Variants in CFTR observed in about 807,000 individuals in gnomAD.
CFTR encodes the protein CF transmembrane conductance regulator.
In CFTR, 181 loss-of-function variants were observed where a neutral mutation model predicts 171.6. The observed-to-expected ratio is 1.05, with a 90% CI of 0.93 to 1.19. The LOEUF (loss-of-function observed/expected upper bound fraction) is 1.19. CFTR is among the 50% of genes most tolerant of loss of function. CFTR has a pLI of 0.00. For synonymous variants in CFTR, 583 were observed against 608.0 expected (o/e 0.96, Z 0.60); for missense variants, 1,968 against 1,734.7 (o/e 1.13, Z -2.39).
intron 3 of CFTR, among the ~76,000 whole-genome samples, chr7:117,518,470 ATG>A (rs1442527223): frequency 2.0e-5 from 3 of 147,658 alleles, no homozygotes; most frequent in Non-Finnish European, 4.5e-5. Context: ...GTGTATATAT[ATG>A]TCTTTCATAG....
At chr7:117,500,876 T>C (rs962474957) in intron 1 of CFTR, among the ~76,000 whole-genome samples, 7 of 152,198 alleles carry the variant, frequency 4.6e-5, no homozygotes, top group Non-Finnish European at 8.8e-5. Flanking sequence ...TTCTTGCTAA[T>C]CAAAACGATG....
At chr7:117,595,476 T>C (rs1157098350) in intron 15 of CFTR, among the ~76,000 whole-genome samples, 2 of 150,606 alleles carry the variant, frequency 1.3e-5, no homozygotes, top group Non-Finnish European at 3.0e-5. Context: ...GTTGATATTT[T>C]ATTATTTCAT....
intron 24 of CFTR, among the ~76,000 whole-genome samples, chr7:117,660,555 G>A (rs1440463318): frequency 6.6e-6 from 1 of 151,958 alleles, no homozygotes; most frequent in Non-Finnish European, 1.5e-5. Context: ...GTTTGAACCT[G>A]GGAGTCGGAG....
rs3034794 is a variant in CFTR, at chr7:117,548,333, GGTGTGTGTGTGT to G, written c.1210-287_1210-276del. On this transcript the variant is annotated intron_variant, in intron 9 of 26. Coordinates refer to ENST00000003084, the MANE Select transcript of CFTR (RefSeq NM_000492.4). ...ATGTACCCCGCTTATAGGAGAAGAG[GGTGTGTGTGTGT>G]GTGTGTGTGTGTGTGTGTGTATGTG... 6.9e-6 allele frequency among the ~76,000 whole-genome samples: 1 copy of G among 144,078 alleles called. No homozygotes were observed. Among genetic ancestry groups the G allele is most frequent in the Non-Finnish European group, 1.5e-5 (1 of 65,512 alleles). 94.5% of individuals were successfully genotyped at this position (144,078 alleles called of 152,430 possible).
intron 19 of CFTR, 64 bp from the exon 20 acceptor site, chr7:117,611,517 A>G: frequency 1.0e-6 from 1 of 978,802 alleles, no homozygotes; most frequent in South Asian, 1.4e-5. Flanking sequence ...CAGGTACAAG[A>G]TATTATGAAA....
At chr7:117,626,915 C>T (rs550351857) in intron 21 of CFTR, among the ~76,000 whole-genome samples, 1 of 151,800 alleles carries the variant, frequency 6.6e-6, no homozygotes, top group South Asian at 2.1e-4. Flanking sequence ...AAATATAACC[C>T]TTATATGCAA....
At chr7:117,661,677 A>G (rs972148248) in intron 24 of CFTR, among the ~76,000 whole-genome samples, 8 of 152,186 alleles carry the variant, frequency 5.3e-5, no homozygotes, top group African/African-American at 1.9e-4. Context: ...TCAGTTCCTG[A>G]GCCCATGTCC....
intron 23 of CFTR, among the ~76,000 whole-genome samples, chr7:117,646,051 T>A (rs1316898724): frequency 6.6e-6 from 1 of 152,194 alleles, no homozygotes; most frequent in Admixed American, 6.5e-5. Context: ...GAGATTGTGG[T>A]TCCATCAGTA....
intron 14 of CFTR, among the ~76,000 whole-genome samples, chr7:117,593,759 C>A (rs529706234): frequency 6.6e-6 from 1 of 151,918 alleles, no homozygotes; most frequent in East Asian, 1.9e-4. Flanking sequence ...CCATGCCGAG[C>A]TAATTTTTGT....
chr7:117,517,238 TGATGTTCCC>T (rs1305806939), intron 3 of CFTR, among the ~76,000 whole-genome samples: 1 of 151,782 alleles, frequency 6.6e-6, no homozygotes, highest in Non-Finnish European at 1.5e-5. Context: ...CCCCTGTGTG[TGATGTTCCC>T]CTCCCTGTGT....
At position 117,542,007 on chromosome 7, in the gene CFTR, T is replaced by C. The variant is rs1266638090; in HGVS notation, c.1117-9T>C. 1 of 1,385,030 alleles carries C rather than the reference T, an allele frequency of 7.2e-7. No homozygotes were observed. Among genetic ancestry groups the C allele is most frequent in the Non-Finnish European group, 1.0e-6 (1 of 971,778 alleles). The allele number at this position is 1,385,030 out of a possible 1,614,324, so 85.8% of individuals were successfully genotyped here. A position where few individuals can be genotyped will look rare whatever the true frequency, so the allele number is the denominator to read the frequency against. Reference sequence around the variant, plus strand: ...TCTATAATATGTTTTTGCTCTCTTTTATAAATAGGATTTCTTACAAAAGCA... The same window carrying C: ...TCTATAATATGTTTTTGCTCTCTTTCATAAATAGGATTTCTTACAAAAGCA... On this transcript the variant is annotated splice_polypyrimidine_tract_variant and intron_variant, in intron 8 of 26. Transcript: ENST00000003084.
intron 22 of CFTR, among the ~76,000 whole-genome samples, chr7:117,632,036 A>T (rs1401696552): frequency 6.6e-6 from 1 of 152,142 alleles, no homozygotes; most frequent in Non-Finnish European, 1.5e-5. Context: ...TAGGGAAAAC[A>T]GTTTGTTTTC....
intron 1 of CFTR, among the ~76,000 whole-genome samples, chr7:117,496,060 A>G (rs1219284833): frequency 6.6e-6 from 1 of 152,136 alleles, no homozygotes; most frequent in Non-Finnish European, 1.5e-5. Context: ...CTAGACAACT[A>G]CAAATGTACT....
intron 11 of CFTR, among the ~76,000 whole-genome samples, chr7:117,583,271 A>G (rs1275551449): frequency 1.3e-5 from 2 of 152,006 alleles, no homozygotes; most frequent in Non-Finnish European, 2.9e-5. Flanking sequence ...TGATATACCC[A>G]TCACCTGAGC....
At chr7:117,490,312 T>TACACACAC (rs3034759) in intron 1 of CFTR, among the ~76,000 whole-genome samples, 2,701 of 136,826 alleles carry the variant, frequency 0.02, 47 homozygotes, top group East Asian at 0.04. Flanking sequence ...GAACCAATGA[T>TACACACAC]ACACACACAC....
At chr7:117,656,941 T>C (rs1793192835) in intron 24 of CFTR, among the ~76,000 whole-genome samples, 1 of 152,212 alleles carries the variant, frequency 6.6e-6, no homozygotes, top group Non-Finnish European at 1.5e-5. Context: ...AACCTTAACA[T>C]GCCCCTAATA....
At chr7:117,581,716 C>A (rs1376201479) in intron 11 of CFTR, among the ~76,000 whole-genome samples, 1 of 152,040 alleles carries the variant, frequency 6.6e-6, no homozygotes, top group East Asian at 1.9e-4. Flanking sequence ...TGTTACTACT[C>A]ATGTTTTGTA....
At chr7:117,610,391 A>C (rs1327506715) in intron 18 of CFTR, 128 bp from the exon 19 acceptor site, 51 of 781,642 alleles carry the variant, frequency 6.5e-5, no homozygotes, top group Non-Finnish European at 2.1e-6. Flanking sequence ...TATAATAAAA[A>C]AAATAAAAAA....
intron 24 of CFTR, among the ~76,000 whole-genome samples, chr7:117,662,330 G>A (rs1029943425): frequency 5.3e-5 from 8 of 152,198 alleles, no homozygotes; most frequent in African/African-American, 1.7e-4. Flanking sequence ...GGAACACAGA[G>A]CTGAAGAGCA....
Sources: allele counts gnomAD v4.1 joint callset (sites outside exome capture counted in the v4.1 genomes callset), GRCh38; gene constraint gnomAD v4.1.1; transcripts MANE v1.5; gene names NCBI Gene and HGNC (gene_info 2026-07-23, HGNC 2026-07-21).